The following CCDC146 variants were observed in gnomAD, a reference collection of about 807,000 sequenced individuals.
CCDC146 encodes coiled-coil domain containing 146, also known as coiled-coil domain-containing protein 146.
CCDC146 carries 92 observed loss-of-function variants against 119.3 expected under a neutral mutation model. That is an observed-to-expected ratio of 0.77 (90% CI 0.65 to 0.92). The LOEUF is 0.92. Ranked by LOEUF, CCDC146 falls within the 40% of genes least tolerant of loss-of-function variation. The pLI is 0.00. For synonymous variants in CCDC146, 372 were observed against 371.8 expected (o/e 1.00, Z -0.01); for missense variants, 1,000 against 1,103.0 (o/e 0.91, Z 1.32).
intron 11 of CCDC146, among the ~76,000 whole-genome samples, chr7:77,276,337 A>G (rs1469990943): frequency 6.6e-6 from 1 of 152,220 alleles, no homozygotes; most frequent in Non-Finnish European, 1.5e-5. Context: ...TTCTGCAGAA[A>G]GAGCTCACTC....
chr7:77,138,468 T>C (rs1187327296), intron 1 of CCDC146, among the ~76,000 whole-genome samples: 1 of 151,946 alleles, frequency 6.6e-6, no homozygotes, highest in East Asian at 1.9e-4. Context: ...TGACCTTGGG[T>C]TTGGTGAATA....
intron 4 of CCDC146, among the ~76,000 whole-genome samples, chr7:77,249,940 C>G (rs569905138): frequency 6.2e-4 from 94 of 152,136 alleles, no homozygotes; most frequent in African/African-American, 2.1e-3. Context: ...TAATATAATT[C>G]CATTTTCTCT....
Position 77,262,121 on chromosome 7 carries a change from A to G in CCDC146, c.987A>G (p.Arg329=). 1.3e-6 allele frequency: 2 copies of G among 1,594,008 alleles called. No homozygotes were observed. The highest frequency in any genetic ancestry group is 1.7e-6 in the Non-Finnish European group (2 of 1,170,534). The change falls in exon 9 of 19, where the codon AGA becomes AGG. Residue 329 remains arginine, a splice_region_variant and synonymous_variant. Coordinates refer to ENST00000285871, the MANE Select transcript of CCDC146 (RefSeq NM_020879.3). The part of the protein sequence containing the change: ...RENEATSLTE[R]GILDLNLRNS... ...CTTCTTCTTCCTTTACCTGGAACAGAGGGATCTTGGATCTCAATTTACGCA... is the reference window on the plus strand; with the variant it reads ...CTTCTTCTTCCTTTACCTGGAACAGGGGGATCTTGGATCTCAATTTACGCA...
intron 2 of CCDC146, among the ~76,000 whole-genome samples, chr7:77,197,794 G>A (rs1791903330): frequency 6.6e-6 from 1 of 152,056 alleles, no homozygotes; most frequent in South Asian, 2.1e-4. Flanking sequence ...TATTATCTAG[G>A]AAAGTATTTA....
intron 1 of CCDC146, among the ~76,000 whole-genome samples, chr7:77,150,250 A>G (rs1791090829): frequency 6.6e-6 from 1 of 152,038 alleles, no homozygotes; most frequent in South Asian, 2.1e-4. Context: ...TTCAAAAGAC[A>G]CTGCTAAGAA....
At position 77,196,906 on chromosome 7, in the gene CCDC146, A is replaced by G; in HGVS notation, c.156+29082A>G. ...CTTCAAAGCTACTATTTTTGGGATC[A>G]GGTGTAACTCTGTAGGTCTCACTGC... On this transcript the variant is annotated intron_variant, in intron 2 of 18. Coordinates refer to ENST00000285871, the MANE Select transcript of CCDC146 (RefSeq NM_020879.3). This position sits in a 1 kb window ranked among gnomAD's most constrained non-coding sequence, Gnocchi z 4.2. The G allele has an allele frequency of 6.2e-7, 1 of 1,613,956 alleles. No homozygotes were observed. Among genetic ancestry groups the G allele is most frequent in the Non-Finnish European group, 8.5e-7 (1 of 1,179,960 alleles).
chr7:77,163,126 G>A (rs533767876), intron 1 of CCDC146, among the ~76,000 whole-genome samples: 31 of 152,172 alleles, frequency 2.0e-4, no homozygotes, highest in Non-Finnish European at 3.7e-4. Context: ...CTGAACCTAA[G>A]TTTTCAAAGT....
chr7:77,225,198 A>C (rs186373616), intron 2 of CCDC146, among the ~76,000 whole-genome samples: 70 of 152,324 alleles, frequency 4.6e-4, no homozygotes, highest in Non-Finnish European at 7.8e-4. Flanking sequence ...CTTACAACTG[A>C]AGAGACTGAG....
At chr7:77,136,496 A>C (rs1466627098) in intron 1 of CCDC146, among the ~76,000 whole-genome samples, 1 of 152,212 alleles carries the variant, frequency 6.6e-6, no homozygotes, top group Non-Finnish European at 1.5e-5. Context: ...ACTATGAACA[A>C]CTCTGTATCT....
Position 77,273,693 on chromosome 7 carries a change from G to C in CCDC146, c.1174-1G>C, listed in dbSNP as rs747650334. 9.4e-6 allele frequency: 15 copies of C among 1,602,934 alleles called. No individual in the cohort carries two copies. The highest frequency in any genetic ancestry group is 1.1e-5 in the Non-Finnish European group (13 of 1,172,780). ...GCATGTTTTTAAATTTTGATTTCCAGATGGAAGCTATCCCCAAAGATGATT... is the reference window on the plus strand; with the variant it reads ...GCATGTTTTTAAATTTTGATTTCCACATGGAAGCTATCCCCAAAGATGATT... On this transcript the variant is annotated splice_acceptor_variant, in intron 9 of 18. Transcript: ENST00000285871. LOFTEE classifies it high-confidence loss of function.
intron 1 of CCDC146, among the ~76,000 whole-genome samples, chr7:77,148,609 C>G (rs1791060180): frequency 6.6e-6 from 1 of 152,086 alleles, no homozygotes; most frequent in African/African-American, 2.4e-5. Flanking sequence ...TCTCCTTAAG[C>G]TGATGAGCAA....
At position 77,185,095 on chromosome 7, in the gene CCDC146, C is replaced by T. The variant is rs538845248; in HGVS notation, c.156+17271C>T. ...GTAGATAACAGAGGCTTTTTTTTTT[C>T]CAGGGAAGATTGTTACTGAGTATAA... is the stretch of plus-strand genomic sequence containing the variant. On this transcript the variant is annotated intron_variant, in intron 2 of 18. Coordinates refer to ENST00000285871, the MANE Select transcript of CCDC146 (RefSeq NM_020879.3). Among the ~76,000 whole-genome samples, 1,482 of 149,746 alleles carry T rather than the reference C, an allele frequency of 9.9e-3. 6 individuals are homozygous for T. Among genetic ancestry groups the T allele is most frequent in the Non-Finnish European group, 0.015 (1,003 of 67,320 alleles).
intron 9 of CCDC146, 121 bp downstream of exon 9, chr7:77,262,428 G>T: frequency 1.4e-6 from 1 of 739,244 alleles, no homozygotes; most frequent in South Asian, 2.3e-5. Flanking sequence ...ACAGAGAAAA[G>T]GTAATTTTCA....
At chr7:77,250,974 TG>T (rs1793048340) in intron 4 of CCDC146, among the ~76,000 whole-genome samples, 4 of 5,410 alleles carry the variant, frequency 7.4e-4, no homozygotes, top group Admixed American at 1.3e-3. Flanking sequence ...CTCTGGTATT[TG>T]TGTGTGTGTG....
chr7:77,170,967 A>G (rs895473966), intron 2 of CCDC146, among the ~76,000 whole-genome samples: 1 of 152,228 alleles, frequency 6.6e-6, no homozygotes, highest in Non-Finnish European at 1.5e-5. Context: ...TTGTATTTTT[A>G]AAACCATGAT....
chr7:77,179,136 G>T (rs1791543191), intron 2 of CCDC146, among the ~76,000 whole-genome samples: 1 of 152,130 alleles, frequency 6.6e-6, no homozygotes, highest in Non-Finnish European at 1.5e-5. Flanking sequence ...CATTAGGCAA[G>T]CAAGATTAGG....
At chr7:77,211,704 C>T (rs1792188105) in intron 2 of CCDC146, among the ~76,000 whole-genome samples, 1 of 152,096 alleles carries the variant, frequency 6.6e-6, no homozygotes, top group Non-Finnish European at 1.5e-5. Flanking sequence ...TAACCTCCAC[C>T]TCCTGGATTC....
intron 9 of CCDC146, among the ~76,000 whole-genome samples, chr7:77,264,631 C>G (rs568101042): frequency 6.6e-6 from 1 of 152,320 alleles, no homozygotes; most frequent in South Asian, 2.1e-4. Context: ...TTTTCAAAAT[C>G]TAGTCTGATA....
chr7:77,224,117 A>G (rs554722170), intron 2 of CCDC146, among the ~76,000 whole-genome samples: 2 of 152,370 alleles, frequency 1.3e-5, no homozygotes, highest in African/African-American at 2.4e-5. Flanking sequence ...TGTTGCTGCC[A>G]TAACAAATTA....
Sources: gnomAD v4.1 joint callset for allele counts (sites outside exome capture counted in the v4.1 genomes callset) on GRCh38, gnomAD v4.1.1 for gene constraint, Gnocchi (gnomAD v3.1) non-coding constraint, MANE v1.5 for transcripts, NCBI Gene and HGNC (gene_info 2026-07-23, HGNC 2026-07-21) for gene names.